Variants in RIMS1 observed in about 807,000 individuals in gnomAD.
RIMS1 encodes regulating synaptic membrane exocytosis 1, also known as regulating synaptic membrane exocytosis protein 1.
A neutral mutation model predicts 214.1 loss-of-function variants in RIMS1; 83 were observed. The observed-to-expected ratio is 0.39, with a 90% confidence interval of 0.32 to 0.47. The LOEUF (loss-of-function observed/expected upper bound fraction) is 0.47. RIMS1 is among the 20% of genes least tolerant of loss of function. The pLI, the probability that RIMS1 is intolerant of heterozygous loss-of-function variation, is 0.99. For synonymous variants in RIMS1, 793 were observed against 786.8 expected (o/e 1.01, Z -0.13); for missense variants, 2,050 against 2,161.8 (o/e 0.95, Z 1.03).
chr6:72,074,496 T>G (rs1163561195), intron 2 of RIMS1, among the ~76,000 whole-genome samples: 1 of 152,090 alleles, frequency 6.6e-6, no homozygotes, highest in Non-Finnish European at 1.5e-5. Context: ...AAACCCCATC[T>G]CTACAAAATA....
At chr6:72,324,891 T>C (rs2154324385) in intron 28 of RIMS1, among the ~76,000 whole-genome samples, 1 of 152,008 alleles carries the variant, frequency 6.6e-6, no homozygotes, top group African/African-American at 2.4e-5. Flanking sequence ...ATATTTACTA[T>C]CTGGCCCTTT....
intron 24 of RIMS1, among the ~76,000 whole-genome samples, chr6:72,286,695 C>G (rs1020031413): frequency 2.0e-5 from 3 of 152,086 alleles, no homozygotes; most frequent in African/African-American, 7.2e-5. Flanking sequence ...TAAGAAGATA[C>G]CTTGAATTTA....
chr6:72,058,998 C>G (rs982571703), intron 2 of RIMS1, among the ~76,000 whole-genome samples: 17 of 152,174 alleles, frequency 1.1e-4, no homozygotes, highest in African/African-American at 3.9e-4. Context: ...TTAATTTACT[C>G]ATTTAAACAT....
intron 2 of RIMS1, among the ~76,000 whole-genome samples, chr6:72,036,087 G>A (rs1427027563): frequency 6.6e-6 from 1 of 152,008 alleles, no homozygotes; most frequent in Non-Finnish European, 1.5e-5. Flanking sequence ...ATAAAATTCT[G>A]CCAACAGTTT....
chr6:72,000,410 T>C (rs1041609658), intron 2 of RIMS1, among the ~76,000 whole-genome samples: 1 of 152,182 alleles, frequency 6.6e-6, no homozygotes, highest in Non-Finnish European at 1.5e-5. Context: ...AATAAATGAC[T>C]AATAAGTTTA....
intron 2 of RIMS1, among the ~76,000 whole-genome samples, chr6:72,014,985 G>C (rs1033272176): frequency 5.3e-5 from 8 of 152,058 alleles, no homozygotes; most frequent in African/African-American, 1.9e-4. Context: ...CTAGAGTATA[G>C]AAATAAAAGT....
At chr6:71,948,795 A>G (rs1306887106) in intron 1 of RIMS1, among the ~76,000 whole-genome samples, 1 of 152,234 alleles carries the variant, frequency 6.6e-6, no homozygotes, top group Non-Finnish European at 1.5e-5. Flanking sequence ...TACAGGCTGA[A>G]GTGACCTGCG....
intron 1 of RIMS1, among the ~76,000 whole-genome samples, chr6:71,941,334 G>A (rs1276916588): frequency 1.3e-5 from 2 of 152,002 alleles, no homozygotes; most frequent in Non-Finnish European, 2.9e-5. Flanking sequence ...CCCATCTTTT[G>A]CTAGTTATAC....
At chr6:72,225,397 T>A (rs1318207951) in intron 6 of RIMS1, among the ~76,000 whole-genome samples, 2 of 152,194 alleles carry the variant, frequency 1.3e-5, no homozygotes, top group East Asian at 3.8e-4. Context: ...TATTTCCTTG[T>A]CTTTGGGATA....
chr6:72,253,958 C>T (rs1054382170), intron 16 of RIMS1, among the ~76,000 whole-genome samples: 1 of 152,130 alleles, frequency 6.6e-6, no homozygotes, highest in Non-Finnish European at 1.5e-5. Context: ...CTCCACCTCC[C>T]AGGTTCGAGT....
Position 72,274,436 on chromosome 6 carries a change from C to A in RIMS1, c.3482+4C>A. 1 of 1,608,352 alleles carries A rather than the reference C, an allele frequency of 6.2e-7. No homozygotes were observed. The highest frequency in any genetic ancestry group is 8.5e-7 in the Non-Finnish European group (1 of 1,174,982). ...ATGCGTCTCCGGAGAATGACAGGTA[C>A]TAGTCAACTCCTCCTCACAGACAAG... On this transcript the variant is annotated splice_donor_region_variant and intron_variant, in intron 23 of 33. Coordinates refer to ENST00000521978, the MANE Select transcript of RIMS1 (RefSeq NM_014989.7).
intron 2 of RIMS1, among the ~76,000 whole-genome samples, chr6:71,987,112 G>A (rs1422736907): frequency 6.6e-6 from 1 of 152,124 alleles, no homozygotes; most frequent in African/African-American, 2.4e-5. Context: ...TAGAGGTGAT[G>A]GATTATCTTG....
At chr6:72,329,915 A>G (rs1424516270) in intron 28 of RIMS1, among the ~76,000 whole-genome samples, 4 of 151,830 alleles carry the variant, frequency 2.6e-5, no homozygotes, top group Non-Finnish European at 4.4e-5. Context: ...ACAGCTGGAT[A>G]TATAAATCTG....
At chr6:72,359,186 T>G (rs1389956298) in intron 29 of RIMS1, among the ~76,000 whole-genome samples, 13 of 152,180 alleles carry the variant, frequency 8.5e-5, no homozygotes. Flanking sequence ...CAAACAGAAG[T>G]GATGTCTCAG....
intron 1 of RIMS1, among the ~76,000 whole-genome samples, chr6:71,904,065 A>G (rs1439646578): frequency 6.6e-6 from 1 of 151,980 alleles, no homozygotes; most frequent in Non-Finnish European, 1.5e-5. Flanking sequence ...GTTTATTATT[A>G]TTTGAAAGGT....
chr6:72,250,605 C>G, intron 13 of RIMS1, 145 bp downstream of exon 13: 1 of 617,226 alleles, frequency 1.6e-6, no homozygotes, highest in East Asian at 3.0e-5. Context: ...AGAAGTCCCT[C>G]AAGTGTTGGA....
intron 2 of RIMS1, among the ~76,000 whole-genome samples, chr6:72,055,459 A>G (rs1165186423): frequency 6.6e-6 from 1 of 152,226 alleles, no homozygotes. Flanking sequence ...GTAAACAGAT[A>G]TAGTTTGACT....
rs2063045059 is a variant in RIMS1, at chr6:72,233,939, T to A, written c.1746+99T>A. ...GATATCTGCTCTATTATTCATTTGG[T>A]AAGGGCAAATATTGATTTCATTTAA... is the stretch of plus-strand genomic sequence containing the variant. On this transcript the variant is annotated intron_variant, in intron 7 of 33. Transcript: ENST00000521978. The A allele has an allele frequency of 9.4e-6, 7 of 747,396 alleles. No individual in the cohort carries two copies. The Admixed American group carries it at 1.4e-4, about 15-fold the overall frequency. 46.3% of individuals were successfully genotyped at this position (747,396 alleles called of 1,614,324 possible). A position where few individuals can be genotyped will look rare whatever the true frequency, so the allele number is the denominator to read the frequency against.
intron 29 of RIMS1, among the ~76,000 whole-genome samples, chr6:72,359,382 C>A (rs746689123): frequency 2.0e-5 from 3 of 152,160 alleles, no homozygotes; most frequent in Non-Finnish European, 1.5e-5. Flanking sequence ...AACACCTTTA[C>A]ATGTGGGAGT....
Sources: allele counts gnomAD v4.1 joint callset (sites outside exome capture counted in the v4.1 genomes callset), GRCh38; gene constraint gnomAD v4.1.1; transcripts MANE v1.5; gene names NCBI Gene and HGNC (gene_info 2026-07-23, HGNC 2026-07-21).